ACAD11: variants seen among roughly 807,000 people sequenced by gnomAD.
The protein encoded by ACAD11 is acyl-CoA dehydrogenase family member 11, also known as acyl-Coenzyme A dehydrogenase family, member 11.
In ACAD11, 83 loss-of-function variants were observed where a neutral mutation model predicts 102.2. The ratio of observed to expected loss-of-function variants is 0.81; its 90% confidence interval spans 0.68 to 0.97. The LOEUF is 0.97. ACAD11 is among the 50% of genes least tolerant of loss of function. ACAD11 has a pLI of 0.00. For synonymous variants in ACAD11, 324 were observed against 319.8 expected (o/e 1.01, Z -0.14); for missense variants, 901 against 951.7 (o/e 0.95, Z 0.70).
chr3:132,619,041 G>C (rs1939513890), intron 10 of ACAD11: 2 of 348,974 alleles, frequency 5.7e-6, no homozygotes, highest in Admixed American at 4.6e-5. Context: ...ACTTCTTCTG[G>C]AATCAGAACT....
At chr3:132,612,876 G>A (rs1939217912) in intron 11 of ACAD11, among the ~76,000 whole-genome samples, 3 of 152,008 alleles carry the variant, frequency 2.0e-5, no homozygotes. Flanking sequence ...CCATTACTGG[G>A]TATATACCCA....
chr3:132,659,702 T>C lies in ACAD11; in HGVS notation c.50A>G (p.Gln17Arg), dbSNP rs727503787. Residue 17 changes from glutamine to arginine, a missense_variant, in exon 1 of 20, where the codon CAG becomes CGG. Gln to Arg is a conservative substitution (Grantham distance 43). Coordinates refer to ENST00000264990, the MANE Select transcript of ACAD11 (RefSeq NM_032169.5). Reference protein sequence around the residue: ...GESDLAEVLPQHKFDSKSLEA... With the variant: ...GESDLAEVLPRHKFDSKSLEA... ...CAGGGACTTGCTGTCGAACTTGTGC[T>C]GGGGCAGCACTTCGGCCAAATCGGA... 16 of 1,611,330 alleles carry C rather than the reference T, an allele frequency of 9.9e-6. No homozygotes were observed. The highest frequency in any genetic ancestry group is 1.4e-5 in the Non-Finnish European group (16 of 1,178,598).
At chr3:132,641,913 A>T in intron 4 of ACAD11, 59 bp downstream of exon 4, 1 of 1,452,534 alleles carries the variant, frequency 6.9e-7, no homozygotes, top group Admixed American at 2.1e-5. Context: ...TTTGTTGACT[A>T]ATAAGGTATA....
rs557108303 is a variant in ACAD11, at chr3:132,566,608, G to GAT, written c.2002-5393_2002-5392dup. On this transcript the variant is annotated intron_variant, in intron 17 of 19. Transcript: ENST00000264990. ...AAAATGACACCTTACCTATAGCAGGGATATATATATGTCAGAAGGAAGCAG... is the reference window on the plus strand; with the variant it reads ...AAAATGACACCTTACCTATAGCAGGGATATATATATATGTCAGAAGGAAGCAG... Among the ~76,000 whole-genome samples, 596 of 152,144 alleles carry GAT rather than the reference G, an allele frequency of 3.9e-3. 6 individuals carry two copies. Among genetic ancestry groups the GAT allele is most frequent in the African/African-American group, 0.012 (508 of 41,534 alleles).
intron 13 of ACAD11, among the ~76,000 whole-genome samples, chr3:132,591,982 GAAGT>G (rs1196587978): frequency 2.0e-5 from 3 of 152,046 alleles, no homozygotes; most frequent in Non-Finnish European, 4.4e-5. Flanking sequence ...AGAAACTCAA[GAAGT>G]AAGGCAAATA....
chr3:132,631,526 A>C, intron 5 of ACAD11, 47 bp from the exon 6 acceptor site: 1 of 1,291,452 alleles, frequency 7.7e-7, no homozygotes, highest in South Asian at 2.4e-5. Context: ...AACTTAAAAC[A>C]AGTATAATAA....
intron 9 of ACAD11, among the ~76,000 whole-genome samples, chr3:132,622,320 G>T (rs568565480): frequency 6.6e-6 from 1 of 152,288 alleles, no homozygotes; most frequent in East Asian, 1.9e-4. Context: ...AAGGCACCAG[G>T]ATGAACAGCC....
chr3:132,589,910 T>C (rs1460276162), intron 13 of ACAD11, among the ~76,000 whole-genome samples: 2 of 152,142 alleles, frequency 1.3e-5, no homozygotes, highest in Non-Finnish European at 2.9e-5. Context: ...TGTTTCCTTG[T>C]TTGCGTTCGT....
chr3:132,607,580 G>A (rs904132486), intron 11 of ACAD11, among the ~76,000 whole-genome samples: 4 of 152,080 alleles, frequency 2.6e-5, no homozygotes, highest in Non-Finnish European at 4.4e-5. Context: ...AGAGAAAAAA[G>A]AATGAAAAGG....
At chr3:132,637,496 AAAAT>A (rs1940317077) in intron 5 of ACAD11, among the ~76,000 whole-genome samples, 1 of 152,166 alleles carries the variant, frequency 6.6e-6, no homozygotes, top group Non-Finnish European at 1.5e-5. Context: ...GGTGAGGTCA[AAAAT>A]AAGGGGTTTC....
chr3:132,630,074 T>A (rs1211803432), intron 7 of ACAD11, among the ~76,000 whole-genome samples: 1 of 152,104 alleles, frequency 6.6e-6, no homozygotes. Context: ...CAACCCTAAC[T>A]AATAAATGGT....
At chr3:132,561,984 T>C (rs1187581862) in intron 17 of ACAD11, among the ~76,000 whole-genome samples, 1 of 152,254 alleles carries the variant, frequency 6.6e-6, no homozygotes. Context: ...TTCATCCAAA[T>C]TGTTCTGTGT....
At chr3:132,615,490 C>A (rs141270020) in intron 11 of ACAD11, among the ~76,000 whole-genome samples, 1 of 152,244 alleles carries the variant, frequency 6.6e-6, no homozygotes, top group African/African-American at 2.4e-5. Flanking sequence ...GAATACTATG[C>A]AGCCATAAAA....
At chr3:132,640,595 T>C (rs955845763) in intron 4 of ACAD11, among the ~76,000 whole-genome samples, 2 of 152,184 alleles carry the variant, frequency 1.3e-5, no homozygotes, top group Admixed American at 6.5e-5. Context: ...CTTAGTGCAA[T>C]AGAGCAAAGA....
At position 132,659,658 on chromosome 3, in the gene ACAD11, G is replaced by T; in HGVS notation, c.94C>A (p.His32Asn). 1 of 1,611,742 alleles carries T rather than the reference G, an allele frequency of 6.2e-7. No individual in the cohort carries two copies. The highest frequency in any genetic ancestry group is 1.1e-5 in the South Asian group (1 of 90,650). The change falls in exon 1 of 20, where the codon CAC (histidine) becomes AAC (asparagine). Residue 32 changes from histidine (H) to asparagine (N), a missense_variant. His to Asn is a moderately conservative substitution (Grantham distance 68). Transcript: ENST00000264990. ...SKSLEAYLNQ[H>N]LSGFGAEREA... The stretch of plus-strand genomic sequence containing the variant: ...CGTTCGGCCCCAAAGCCAGACAAGT[G>T]CTGGTTTAGGTAGGCCTCCAGGGAC...
intron 1 of ACAD11, among the ~76,000 whole-genome samples, chr3:132,649,030 T>A (rs1272967388): frequency 6.6e-6 from 1 of 152,228 alleles, no homozygotes; most frequent in Non-Finnish European, 1.5e-5. Flanking sequence ...GCAGGCAGTA[T>A]GCTTGGTAAA....
At chr3:132,565,058 A>G (rs1340846971) in intron 17 of ACAD11, among the ~76,000 whole-genome samples, 1 of 152,208 alleles carries the variant, frequency 6.6e-6, no homozygotes, top group Admixed American at 6.5e-5. Flanking sequence ...ATCAGGAAAG[A>G]TGCAGCCTAG....
intron 19 of ACAD11, 96 bp from the exon 20 acceptor site, chr3:132,559,181 T>A: frequency 1.2e-6 from 1 of 862,212 alleles, no homozygotes; most frequent in Non-Finnish European, 1.9e-6. Flanking sequence ...AAGACTATAT[T>A]AATTCTTAAA....
chr3:132,560,886 T>G (rs1384472045), intron 18 of ACAD11, among the ~76,000 whole-genome samples: 1 of 152,072 alleles, frequency 6.6e-6, no homozygotes, highest in Admixed American at 6.6e-5. Context: ...ATCTTAAGAA[T>G]GCTGAAGATA....
Sources: gnomAD v4.1 joint callset for allele counts (sites outside exome capture counted in the v4.1 genomes callset) on GRCh38, gnomAD v4.1.1 for gene constraint, MANE v1.5 for transcripts, NCBI Gene and HGNC (gene_info 2026-07-23, HGNC 2026-07-21) for gene names.